The following TECR variants were observed in gnomAD, a reference collection of about 807,000 sequenced individuals.
TECR encodes the protein trans-2,3-enoyl-CoA reductase.
In TECR, 19 loss-of-function variants were observed where a neutral mutation model predicts 50.6. That is an observed-to-expected ratio of 0.38 (90% CI 0.26 to 0.55). The LOEUF is 0.55. Among genes scored for constraint, TECR ranks in the 20% least tolerant of loss-of-function variants. The pLI is 0.79. For synonymous variants in TECR, 168 were observed against 163.5 expected (o/e 1.03, Z -0.21); for missense variants, 313 against 408.3 (o/e 0.77, Z 2.01).
chr19:14,555,658 C>T (rs1008120144), intron 1 of TECR, among the ~76,000 whole-genome samples: 6 of 151,968 alleles, frequency 3.9e-5, no homozygotes, highest in African/African-American at 1.5e-4. Context: ...CCAGGCTGGT[C>T]TCGAACTCCT....
chr19:14,530,653 A>T (rs1384293029), intron 1 of TECR: 1 of 152,150 alleles, frequency 6.6e-6, no homozygotes, highest in Non-Finnish European at 1.5e-5. Context: ...TGCAAAACAG[A>T]TAGGGGAACT....
rs71166754 is a variant in TECR at position 14,542,347 on chromosome 19, G to GTTTTTTTTTTTTTTT, written c.15+12651_15+12665dup. On this transcript the variant is annotated intron_variant, in intron 1 of 12. Transcript: ENST00000215567. ...CCTCAGGGGGCCCTCATGCCATAGTGTTTTTTTTTTTTTTTTTTTTTTTTT... is the reference window on the plus strand; with the variant it reads ...CCTCAGGGGGCCCTCATGCCATAGTGTTTTTTTTTTTTTTTTTTTTTTTTTTTTTTTTTTTTTTTT... Among the ~76,000 whole-genome samples, 67 of 43,300 alleles carry GTTTTTTTTTTTTTTT rather than the reference G, an allele frequency of 1.5e-3. 15 individuals are homozygous for GTTTTTTTTTTTTTTT. The highest frequency in any genetic ancestry group is 2.4e-3 in the Non-Finnish European group (54 of 22,812). 28.4% of individuals were successfully genotyped at this position (43,300 alleles called of 152,430 possible). A position where few individuals can be genotyped will look rare whatever the true frequency, so the allele number is the denominator to read the frequency against.
At chr19:14,548,263 A>T (rs1036229848) in intron 1 of TECR, among the ~76,000 whole-genome samples, 1 of 151,868 alleles carries the variant, frequency 6.6e-6, no homozygotes, top group Non-Finnish European at 1.5e-5. Flanking sequence ...GCCTGGGCCT[A>T]ATGGGCATTT....
At chr19:14,548,374 C>G (rs541144651) in intron 1 of TECR, among the ~76,000 whole-genome samples, 10 of 152,094 alleles carry the variant, frequency 6.6e-5, no homozygotes, top group Non-Finnish European at 1.5e-4. Context: ...TACCCAGGCC[C>G]TAAGCTGTTT....
Position 14,563,338 on chromosome 19 carries a change from C to CGAGGGG in TECR, c.118+81_118+82insGAGGGG, listed in dbSNP as rs879517542. On this transcript the variant is annotated intron_variant, in intron 3 of 12. Transcript: ENST00000215567. The surrounding 1 kb of genome is among the most constrained non-coding windows in gnomAD (Gnocchi z 5.3). Reference sequence around the variant, plus strand: ...GGGTGGGAGGGATCCCATCCTGCACCCCTCTCCCAGGGGCCTGCAGAGATG... The same window carrying CGAGGGG: ...GGGTGGGAGGGATCCCATCCTGCACCGAGGGGCCTCTCCCAGGGGCCTGCAGAGATG... The CGAGGGG allele has an allele frequency of 5.1e-3, 6,817 of 1,337,154 alleles. 495 individuals carry two copies. In the African/African-American group the frequency reaches 0.1, roughly 21 times the overall value. The allele number at this position is 1,337,154 out of a possible 1,614,324, so 82.8% of individuals were successfully genotyped here. A position where few individuals can be genotyped will look rare whatever the true frequency, so the allele number is the denominator to read the frequency against.
At chr19:14,555,372 C>G (rs1006401803) in intron 1 of TECR, among the ~76,000 whole-genome samples, 3 of 151,512 alleles carry the variant, frequency 2.0e-5, no homozygotes, top group African/African-American at 7.3e-5. Flanking sequence ...CCTCAGCCTC[C>G]TGAGTAGCTG....
chr19:14,529,831 G>T lies in TECR; in HGVS notation c.15+120G>T. The T allele has an allele frequency of 2.1e-6, 3 of 1,408,794 alleles. 1 individual carries two copies. In the South Asian group the frequency reaches 3.5e-5, roughly 17 times the overall value. The allele number at this position is 1,408,794 out of a possible 1,614,324, so 87.3% of individuals were successfully genotyped here. On this transcript the variant is annotated intron_variant, in intron 1 of 12. Coordinates refer to ENST00000215567, the MANE Select transcript of TECR (RefSeq NM_138501.6). ...CCCGAAGGAAGAGCCAGACGGCGCA[G>T]GCGCAGTGGGCAAGCGTTGCGCCCC...
chr19:14,529,632 C>T lies in TECR; in HGVS notation c.-65C>T, dbSNP rs546240195. On this transcript the variant is annotated 5_prime_UTR_variant, in exon 1 of 13. Coordinates refer to ENST00000215567, the MANE Select transcript of TECR (RefSeq NM_138501.6). Reference sequence around the variant, plus strand: ...CTGCGGTTGCGAGCGCTGTAGGGAGCCTGTGCTGTGCCGCGCAGTTAGGCA... The same window carrying T: ...CTGCGGTTGCGAGCGCTGTAGGGAGTCTGTGCTGTGCCGCGCAGTTAGGCA... 3.4e-5 allele frequency: 55 copies of T among 1,612,540 alleles called. No homozygotes were observed. The highest frequency in any genetic ancestry group is 2.5e-4 in the South Asian group (23 of 91,062).
chr19:14,542,346 T>C (rs1292933801), intron 1 of TECR, among the ~76,000 whole-genome samples: 1 of 104,862 alleles, frequency 9.5e-6, no homozygotes, highest in Non-Finnish European at 1.9e-5. Context: ...CATGCCATAG[T>C]GTTTTTTTTT....
intron 1 of TECR, among the ~76,000 whole-genome samples, chr19:14,555,438 CTTTTTTTTTTT>C (rs747503834): frequency 0.013 from 1,204 of 92,870 alleles, 11 homozygotes; most frequent in Middle Eastern, 0.025. Flanking sequence ...TTTATTTATT[CTTTTTTTTTTT>C]TTTTTTTTTT....
At position 14,563,031 on chromosome 19, in the gene TECR, A is replaced by T. The variant is rs1462697122; in HGVS notation, c.67-175A>T. 5 of 726,790 alleles carry T rather than the reference A, an allele frequency of 6.9e-6. No individual in the cohort carries two copies. The highest frequency in any genetic ancestry group is 2.6e-5 in the Admixed American group (1 of 39,028). The allele number at this position is 726,790 out of a possible 1,614,324, so 45.0% of individuals were successfully genotyped here. ...AGCCCCAGACCCCTGCTGTCACTGC[A>T]CTGGCAGGGCCCTCGGTGGTCCTTC... On this transcript the variant is annotated intron_variant, in intron 2 of 12. Transcript: ENST00000215567. This position sits in a 1 kb window ranked among gnomAD's most constrained non-coding sequence, Gnocchi z 5.3.
intron 1 of TECR, among the ~76,000 whole-genome samples, chr19:14,535,866 G>T (rs1159237881): frequency 6.6e-6 from 1 of 151,568 alleles, no homozygotes; most frequent in African/African-American, 2.4e-5. Flanking sequence ...GGGGGTTGGA[G>T]GGGATCTTAG....
chr19:14,565,573 C>A, intron 11 of TECR, 45 bp from the exon 12 acceptor site: 2 of 1,589,110 alleles, frequency 1.3e-6, no homozygotes, highest in Non-Finnish European at 1.7e-6. Context: ...GCCACATACA[C>A]GGGTTGCGAG....
At chr19:14,546,122 C>T (rs933202103) in intron 1 of TECR, among the ~76,000 whole-genome samples, 1 of 152,178 alleles carries the variant, frequency 6.6e-6, no homozygotes, top group African/African-American at 2.4e-5. Flanking sequence ...AGTCCTTCTG[C>T]ACCTGGGGTG....
intron 1 of TECR, among the ~76,000 whole-genome samples, chr19:14,551,918 CCTCCCTCCCTCTCT>C (rs2073524879): frequency 7.8e-6 from 1 of 128,684 alleles, no homozygotes. Flanking sequence ...TCTCCCCCTC[CCTCCCTCCCTCTCT>C]CTCTCCCTCC....
intron 11 of TECR, 30 bp downstream of exon 11, chr19:14,565,320 T>C: frequency 6.2e-7 from 1 of 1,610,906 alleles, no homozygotes; most frequent in Non-Finnish European, 8.5e-7. Flanking sequence ...CTCTCTGCCC[T>C]GGGACTTGGG....
chr19:14,558,379 G>T (rs1382719333), intron 1 of TECR, among the ~76,000 whole-genome samples: 7 of 152,118 alleles, frequency 4.6e-5, no homozygotes, highest in Non-Finnish European at 1.0e-4. Context: ...CTCCCCTCTG[G>T]GCTTGGGAGG....
chr19:14,545,512 G>C lies in TECR; in HGVS notation c.15+15801G>C, dbSNP rs1465445565. 3.3e-5 allele frequency among the ~76,000 whole-genome samples: 5 copies of C among 152,224 alleles called. No homozygotes were observed. The South Asian group carries it at 8.3e-4, about 25-fold the overall frequency. ...TTGAGCACCAGCAAGCCTAGGGGGT[G>C]GGGGGGATAGCCTCTCTCAGTCGTG... On this transcript the variant is annotated intron_variant, in intron 1 of 12. Transcript: ENST00000215567.
At chr19:14,539,059 C>T (rs1472031997) in intron 1 of TECR, among the ~76,000 whole-genome samples, 2 of 149,938 alleles carry the variant, frequency 1.3e-5, no homozygotes, top group African/African-American at 2.5e-5. Flanking sequence ...CTGCAATCTC[C>T]GCCTCCCGGG....
Sources: gnomAD v4.1 joint callset for allele counts (sites outside exome capture counted in the v4.1 genomes callset) on GRCh38, gnomAD v4.1.1 for gene constraint, Gnocchi (gnomAD v3.1) non-coding constraint, MANE v1.5 for transcripts, NCBI Gene and HGNC (gene_info 2026-07-23, HGNC 2026-07-21) for gene names.